KCNJ6: variants seen among roughly 807,000 people sequenced by gnomAD.
KCNJ6 encodes the protein G protein-activated inward rectifier potassium channel 2.
A neutral mutation model predicts 34.2 loss-of-function variants in KCNJ6; 9 were observed. That is an observed-to-expected ratio of 0.26 (90% CI 0.16 to 0.46). KCNJ6 has a LOEUF of 0.46. Among genes scored for constraint, KCNJ6 ranks in the 20% least tolerant of loss-of-function variants. The pLI is 1.00. For synonymous variants in KCNJ6, 196 were observed against 207.1 expected (o/e 0.95, Z 0.46); for missense variants, 236 against 531.3 (o/e 0.44, Z 5.46).
intron 1 of KCNJ6, among the ~76,000 whole-genome samples, chr21:37,905,400 A>G (rs2055836636): frequency 6.6e-6 from 1 of 152,166 alleles, no homozygotes; most frequent in South Asian, 2.1e-4. Context: ...TCTGATTTCC[A>G]TGGTGTGGTA....
chr21:37,882,136 T>C (rs1371587729), intron 1 of KCNJ6, among the ~76,000 whole-genome samples: 1 of 152,230 alleles, frequency 6.6e-6, no homozygotes, highest in African/African-American at 2.4e-5. Flanking sequence ...TCTACAGTTT[T>C]ATGTGGGTTC....
chr21:37,698,698 A>ATT lies in KCNJ6; in HGVS notation c.946+15511_946+15512dup, dbSNP rs112756247. Among the ~76,000 whole-genome samples the ATT allele has an allele frequency of 1.9e-3, 271 of 140,532 alleles. 1 individual carries two copies. Among genetic ancestry groups the ATT allele is most frequent in the East Asian group, 3.8e-3 (18 of 4,790 alleles). 92.2% of individuals were successfully genotyped at this position (140,532 alleles called of 152,430 possible). On this transcript the variant is annotated intron_variant, in intron 3 of 3. Transcript: ENST00000609713. ...AAACGAGCGCCACCATGCCCAGGTA[A>ATT]TTTTTTTTTTTTTTTTGAGACAGAG... is the stretch of plus-strand genomic sequence containing the variant.
intron 1 of KCNJ6, among the ~76,000 whole-genome samples, chr21:37,885,551 T>C (rs1298331295): frequency 6.6e-6 from 1 of 152,080 alleles, no homozygotes; most frequent in Non-Finnish European, 1.5e-5. Context: ...GCAAGAGAGA[T>C]TTGAAACATG....
At chr21:37,709,450 G>T (rs547316988) in intron 3 of KCNJ6, among the ~76,000 whole-genome samples, 1 of 152,020 alleles carries the variant, frequency 6.6e-6, no homozygotes, top group Admixed American at 6.6e-5. Flanking sequence ...GGAGGCGGAG[G>T]TTGCAGTGAG....
intron 1 of KCNJ6, among the ~76,000 whole-genome samples, chr21:37,896,983 G>A (rs981107109): frequency 2.0e-5 from 3 of 152,204 alleles, no homozygotes; most frequent in Admixed American, 6.5e-5. Context: ...CTGCTGGGGA[G>A]GGCCAGAAGC....
At chr21:37,813,388 C>T (rs976646862) in intron 2 of KCNJ6, among the ~76,000 whole-genome samples, 1 of 151,964 alleles carries the variant, frequency 6.6e-6, no homozygotes, top group African/African-American at 2.4e-5. Context: ...ACATTCTTCA[C>T]AGAAATAAAA....
At chr21:37,796,073 G>A (rs946111404) in intron 2 of KCNJ6, among the ~76,000 whole-genome samples, 2 of 152,174 alleles carry the variant, frequency 1.3e-5, no homozygotes, top group African/African-American at 4.8e-5. Flanking sequence ...ACTGGAGTCT[G>A]TTGGGAGAGA....
At chr21:37,732,716 A>G (rs2054892207) in intron 2 of KCNJ6, among the ~76,000 whole-genome samples, 2 of 152,184 alleles carry the variant, frequency 1.3e-5, no homozygotes, top group Non-Finnish European at 2.9e-5. Flanking sequence ...GTTCCAACCC[A>G]CTTCCCACAA....
intron 3 of KCNJ6, among the ~76,000 whole-genome samples, chr21:37,703,194 A>G (rs1458532884): frequency 6.6e-6 from 1 of 152,120 alleles, no homozygotes; most frequent in African/African-American, 2.4e-5. Flanking sequence ...TATTAGGAAA[A>G]ATTGGTGATG....
chr21:37,820,962 G>C (rs1415769880), intron 2 of KCNJ6, among the ~76,000 whole-genome samples: 3 of 152,194 alleles, frequency 2.0e-5, no homozygotes, highest in Non-Finnish European at 4.4e-5. Context: ...AAACGTTTTA[G>C]CTGGCTTTCC....
At chr21:37,863,850 T>C (rs1186219161) in intron 1 of KCNJ6, among the ~76,000 whole-genome samples, 3 of 84,440 alleles carry the variant, frequency 3.6e-5, no homozygotes, top group Non-Finnish European at 7.1e-5. Flanking sequence ...ATAAAGGTTT[T>C]TTTTTTTTTG....
At chr21:37,737,083 G>A (rs1569454380) in intron 2 of KCNJ6, among the ~76,000 whole-genome samples, 2 of 152,234 alleles carry the variant, frequency 1.3e-5, no homozygotes, top group East Asian at 1.9e-4. Flanking sequence ...GTGTTGTACT[G>A]ATATGTTACG....
intron 3 of KCNJ6, among the ~76,000 whole-genome samples, chr21:37,702,060 C>A (rs1358895725): frequency 6.6e-6 from 1 of 151,812 alleles, no homozygotes; most frequent in Non-Finnish European, 1.5e-5. Context: ...TGGTGAAACC[C>A]CGTCTCTACT....
chr21:37,615,908 G>A lies in KCNJ6; in HGVS notation c.*9251C>T, dbSNP rs2054264993. The A allele has an allele frequency of 6.6e-6, 1 of 152,236 alleles. No individual in the cohort carries two copies. The highest frequency in any genetic ancestry group is 2.1e-4 in the South Asian group (1 of 4,822). The allele number at this position is 152,236 out of a possible 1,614,324, so 9.4% of individuals were successfully genotyped here. On this transcript the variant is annotated 3_prime_UTR_variant, in exon 4 of 4. Coordinates refer to ENST00000609713, the MANE Select transcript of KCNJ6 (RefSeq NM_002240.5). ...AGTGTGGGCATGAGTGTGATATGAG[G>A]ATGATGGCTTGAAGAAGAGCCTTTT...
chr21:37,667,154 T>TAAAAAAAAAAAAAAAAAAAAAAAAA (rs55953891), intron 3 of KCNJ6, among the ~76,000 whole-genome samples: 1 of 39,094 alleles, frequency 2.6e-5, no homozygotes, highest in Non-Finnish European at 4.4e-5. Context: ...CAATAAATAC[T>TAAAAAAAAAAAAAAAAAAAAAAAAA]AAAAAAAAAA....
rs545008004 is a variant in KCNJ6, at chr21:37,713,382, C to T, written c.946+829G>A. Among the ~76,000 whole-genome samples the T allele has an allele frequency of 3.9e-5, 6 of 152,224 alleles. No individual in the cohort carries two copies. The East Asian group carries it at 9.6e-4, about 24-fold the overall frequency. ...TTAGGGTTCTGGTTTATACTTTCCC[C>T]GTGAGGCACTATGGTTATCTTGAGT... On this transcript the variant is annotated intron_variant, in intron 3 of 3. Transcript: ENST00000609713.
At chr21:37,828,985 G>C (rs2055412277) in intron 2 of KCNJ6, among the ~76,000 whole-genome samples, 1 of 152,248 alleles carries the variant, frequency 6.6e-6, no homozygotes, top group Non-Finnish European at 1.5e-5. Flanking sequence ...TGAGGGTGCA[G>C]GGAAAGGCTG....
rs745347478 is a variant in KCNJ6 at position 37,619,062 on chromosome 21, C to A, written c.*6097G>T. The A allele has an allele frequency of 1.3e-5, 2 of 152,178 alleles. No individual in the cohort carries two copies. The highest frequency in any genetic ancestry group is 4.8e-5 in the African/African-American group (2 of 41,440). The allele number at this position is 152,178 out of a possible 1,614,324, so 9.4% of individuals were successfully genotyped here. On this transcript the variant is annotated 3_prime_UTR_variant, in exon 4 of 4. Coordinates refer to ENST00000609713, the MANE Select transcript of KCNJ6 (RefSeq NM_002240.5). Reference sequence around the variant, plus strand: ...ATACCATTACCTACTTAGTTTCAGACGCAGGATCAAATCCATCCTTTATCT... The same window carrying A: ...ATACCATTACCTACTTAGTTTCAGAAGCAGGATCAAATCCATCCTTTATCT...
At chr21:37,737,941 C>T (rs1045633512) in intron 2 of KCNJ6, among the ~76,000 whole-genome samples, 1 of 152,210 alleles carries the variant, frequency 6.6e-6, no homozygotes, top group African/African-American at 2.4e-5. Flanking sequence ...AGCATGAAAA[C>T]TCTGGGCTTC....
Sources: gnomAD v4.1 joint callset for allele counts (sites outside exome capture counted in the v4.1 genomes callset) on GRCh38, gnomAD v4.1.1 for gene constraint, MANE v1.5 for transcripts, NCBI Gene and HGNC (gene_info 2026-07-23, HGNC 2026-07-21) for gene names.